TTC29: variants seen among roughly 807,000 people sequenced by gnomAD.
TTC29 encodes tetratricopeptide repeat domain 29, also known as tetratricopeptide repeat protein 29.
TTC29 carries 49 observed loss-of-function variants against 58.1 expected under a neutral mutation model. The ratio of observed to expected loss-of-function variants is 0.84; its 90% CI spans 0.67 to 1.07. The LOEUF is 1.07. Ranked by LOEUF, TTC29 falls within the 50% of genes least tolerant of loss-of-function variation. The pLI is 0.00. For synonymous variants in TTC29, 209 were observed against 196.8 expected, an observed-to-expected ratio of 1.06 and a Z score of -0.52; for missense variants, 582 against 555.6, an observed-to-expected ratio of 1.05 and a Z score of -0.48.
At chr4:146,731,247 G>T (rs978217105) in intron 11 of TTC29, among the ~76,000 whole-genome samples, 5 of 151,978 alleles carry the variant, frequency 3.3e-5, no homozygotes, top group African/African-American at 1.2e-4. Context: ...TAGGAAGCAG[G>T]GTCATTAGTT....
intron 8 of TTC29, among the ~76,000 whole-genome samples, chr4:146,836,345 G>C (rs903046530): frequency 6.6e-6 from 1 of 152,114 alleles, no homozygotes; most frequent in Non-Finnish European, 1.5e-5. Flanking sequence ...GACGAGTATA[G>C]TTCATTATTG....
At chr4:146,873,467 A>T (rs1428309176) in intron 7 of TTC29, among the ~76,000 whole-genome samples, 1 of 152,208 alleles carries the variant, frequency 6.6e-6, no homozygotes, top group Non-Finnish European at 1.5e-5. Flanking sequence ...ACTGCTTGAC[A>T]GGCTCTGACT....
chr4:146,903,537 C>T lies in TTC29; in HGVS notation c.586+7G>A, dbSNP rs368805100. The T allele has an allele frequency of 7.5e-5, 119 of 1,592,646 alleles. 1 individual carries two copies. The Middle Eastern group carries it at 2.0e-3, about 27-fold the overall frequency. On this transcript the variant is annotated splice_region_variant and intron_variant, in intron 6 of 12. Transcript: ENST00000325106. ...TACCCAAGGCATCCTGGCAAATGCC[C>T]ACTCACCATCTTCCTCGTAGAGAAG... is the stretch of plus-strand genomic sequence containing the variant.
chr4:146,926,350 C>T (rs922140629), intron 4 of TTC29, among the ~76,000 whole-genome samples: 1 of 152,196 alleles, frequency 6.6e-6, no homozygotes, highest in Admixed American at 6.5e-5. Flanking sequence ...GAAAGAAAAA[C>T]TTAATGTTCC....
intron 11 of TTC29, among the ~76,000 whole-genome samples, chr4:146,738,321 A>G (rs570269564): frequency 6.6e-6 from 1 of 152,310 alleles, no homozygotes; most frequent in East Asian, 1.9e-4. Context: ...CCTCAGAGCA[A>G]GAGAGGCCAT....
intron 9 of TTC29, among the ~76,000 whole-genome samples, chr4:146,821,376 T>C (rs1000411875): frequency 3.3e-5 from 5 of 152,276 alleles, no homozygotes; most frequent in African/African-American, 1.2e-4. Context: ...GCTTTTAAAG[T>C]CTACAATTGT....
chr4:146,738,677 G>C lies in TTC29; in HGVS notation c.1331-31126C>G, dbSNP rs532324507. Among the ~76,000 whole-genome samples, 29 of 152,252 alleles carry C rather than the reference G, an allele frequency of 1.9e-4. 1 individual carries two copies. In the South Asian group the frequency reaches 6.0e-3, roughly 32 times the overall value. On this transcript the variant is annotated intron_variant, in intron 11 of 12. Coordinates refer to ENST00000325106, the MANE Select transcript of TTC29 (RefSeq NM_031956.4). The stretch of plus-strand genomic sequence containing the variant: ...TCTCAGGGGTAGGCTTCAGGAAACA[G>C]AATCTCTCTTCTGCCCTCCTTTCAC...
In TTC29 at chr4:146,867,595, A is replaced by T; in HGVS notation, c.800-12T>A. On this transcript the variant is annotated splice_polypyrimidine_tract_variant and intron_variant, in intron 7 of 12. Transcript: ENST00000325106. ...CTTTTTGTCACTTCCTGAAGTGAAG[A>T]TGTAAAAAAATTACCAAGTATTCAA... is the stretch of plus-strand genomic sequence containing the variant. 1.5e-6 allele frequency: 2 copies of T among 1,365,920 alleles called. No individual in the cohort carries two copies. Among genetic ancestry groups the T allele is most frequent in the Non-Finnish European group, 2.0e-6 (2 of 1,005,968 alleles). 84.6% of individuals were successfully genotyped at this position (1,365,920 alleles called of 1,614,324 possible). A position where few individuals can be genotyped will look rare whatever the true frequency, so the allele number is the denominator to read the frequency against.
intron 8 of TTC29, among the ~76,000 whole-genome samples, chr4:146,867,206 T>C (rs559482374): frequency 1.3e-5 from 2 of 152,304 alleles, no homozygotes; most frequent in South Asian, 2.1e-4. Flanking sequence ...TATTTCCTCT[T>C]GTCCTTGTTG....
intron 10 of TTC29, among the ~76,000 whole-genome samples, chr4:146,805,581 C>T (rs1405324349): frequency 6.6e-6 from 1 of 151,650 alleles, no homozygotes; most frequent in Admixed American, 6.6e-5. Context: ...ACAAGAACTT[C>T]GTGAAGCATA....
At chr4:146,939,719 T>G in intron 3 of TTC29, 85 bp downstream of exon 3, 1 of 1,243,826 alleles carries the variant, frequency 8.0e-7, no homozygotes, top group Non-Finnish European at 1.1e-6. Context: ...TTGAAATGAT[T>G]TTATTTTCTG....
chr4:146,804,150 G>T (rs943608011), intron 10 of TTC29, among the ~76,000 whole-genome samples: 12 of 152,176 alleles, frequency 7.9e-5, no homozygotes, highest in South Asian at 2.1e-4. Flanking sequence ...AGGGGTTGAG[G>T]AATTCCCTCA....
chr4:146,724,748 A>G (rs1341176318), intron 11 of TTC29, among the ~76,000 whole-genome samples: 1 of 152,124 alleles, frequency 6.6e-6, no homozygotes, highest in Non-Finnish European at 1.5e-5. Context: ...TCCTGACCTC[A>G]GGTGATCCGC....
intron 11 of TTC29, among the ~76,000 whole-genome samples, chr4:146,724,940 T>C (rs996413041): frequency 9.9e-5 from 15 of 152,230 alleles, no homozygotes; most frequent in Non-Finnish European, 1.8e-4. Flanking sequence ...CTGTGGTTTT[T>C]ACGCAGTTTA....
In TTC29 at chr4:146,874,792, T is replaced by C; in HGVS notation, c.723A>G (p.Ser241=). ...ESLLRTYRLL[S]DKMLENKEYK... ...ATTCTTTATTTTCTAGCATTTTGTC[T>C]GAGAGTAATCTGTAAGTCCTCAGGA... Residue 241 remains serine (S), a synonymous_variant, in exon 7 of 13, where the codon TCA becomes TCG. Coordinates refer to ENST00000325106, the MANE Select transcript of TTC29 (RefSeq NM_031956.4). The C allele has an allele frequency of 6.2e-7, 1 of 1,612,298 alleles. No homozygotes were observed. The highest frequency in any genetic ancestry group is 1.1e-5 in the South Asian group (1 of 90,826).
At chr4:146,770,370 G>A (rs1422182097) in intron 11 of TTC29, among the ~76,000 whole-genome samples, 1 of 151,814 alleles carries the variant, frequency 6.6e-6, no homozygotes, top group African/African-American at 2.4e-5. Context: ...CTTAGTAGTA[G>A]GGTCATTTAT....
At chr4:146,712,809 A>T (rs938759977) in intron 11 of TTC29, among the ~76,000 whole-genome samples, 3 of 152,178 alleles carry the variant, frequency 2.0e-5, no homozygotes, top group African/African-American at 7.2e-5. Flanking sequence ...CTGGGTCTAA[A>T]TTCAGGGTAA....
At chr4:146,821,284 G>A (rs777033256) in intron 9 of TTC29, among the ~76,000 whole-genome samples, 4 of 152,140 alleles carry the variant, frequency 2.6e-5, no homozygotes, top group Non-Finnish European at 4.4e-5. Context: ...AGCGGCCATG[G>A]TTGCTCAACC....
chr4:146,922,609 A>C (rs1734669187), intron 4 of TTC29, among the ~76,000 whole-genome samples: 1 of 151,742 alleles, frequency 6.6e-6, no homozygotes, highest in African/African-American at 2.4e-5. Flanking sequence ...GATAGGTGCT[A>C]TCATTTTAAT....
Sources: gnomAD v4.1 joint callset for allele counts (sites outside exome capture counted in the v4.1 genomes callset) on GRCh38, gnomAD v4.1.1 for gene constraint, MANE v1.5 for transcripts, NCBI Gene and HGNC (gene_info 2026-07-23, HGNC 2026-07-21) for gene names.